Variants in CTNNA2 observed in about 807,000 individuals in gnomAD.
CTNNA2 encodes the protein catenin alpha-2.
Under a neutral mutation model 101.0 loss-of-function variants are expected in CTNNA2, and 42 were observed. The ratio of observed to expected loss-of-function variants is 0.42; its 90% CI spans 0.32 to 0.54. The LOEUF (loss-of-function observed/expected upper bound fraction) is 0.54, where lower values mean the gene tolerates loss of function less well. CTNNA2 is among the 20% of genes least tolerant of loss of function. The pLI is 0.14. For synonymous variants in CTNNA2, 450 were observed against 456.4 expected, an observed-to-expected ratio of 0.99 and a Z score of 0.18; for missense variants, 871 against 1,223.1, an observed-to-expected ratio of 0.71 and a Z score of 4.29.
chr2:79,473,000 C>T (rs1344862606), intron 4 of CTNNA2, among the ~76,000 whole-genome samples: 2 of 152,180 alleles, frequency 1.3e-5, no homozygotes, highest in Non-Finnish European at 2.9e-5. Context: ...CAGAGATTGC[C>T]TTTCCTCTAG....
At chr2:79,470,457 A>T (rs1413713243) in intron 4 of CTNNA2, among the ~76,000 whole-genome samples, 2 of 152,228 alleles carry the variant, frequency 1.3e-5, no homozygotes, top group African/African-American at 4.8e-5. Context: ...AAAGCAAGCA[A>T]TTCAATAATG....
chr2:80,060,403 C>A (rs998652274), intron 7 of CTNNA2, among the ~76,000 whole-genome samples: 22 of 152,148 alleles, frequency 1.4e-4, no homozygotes, highest in Non-Finnish European at 4.4e-5. Flanking sequence ...AGCCCAGAAC[C>A]AAAAGATAAT....
chr2:79,917,812 G>A (rs1333368563), intron 7 of CTNNA2, among the ~76,000 whole-genome samples: 1 of 152,128 alleles, frequency 6.6e-6, no homozygotes, highest in Admixed American at 6.5e-5. Context: ...GACAGGGAGA[G>A]TGTGAGAGCT....
At chr2:79,750,890 A>G (rs1417475523) in intron 3 of CTNNA2, among the ~76,000 whole-genome samples, 2 of 151,810 alleles carry the variant, frequency 1.3e-5, no homozygotes, top group Non-Finnish European at 2.9e-5. Flanking sequence ...AAAAAGAGGT[A>G]GATAAGACTT....
chr2:79,725,558 C>G (rs1686785213), intron 2 of CTNNA2, among the ~76,000 whole-genome samples: 1 of 152,164 alleles, frequency 6.6e-6, no homozygotes, highest in Non-Finnish European at 1.5e-5. Flanking sequence ...TAAAGCTTGG[C>G]TTTGGGTAAG....
chr2:80,332,320 G>A (rs915603919), intron 7 of CTNNA2, among the ~76,000 whole-genome samples: 3 of 152,104 alleles, frequency 2.0e-5, no homozygotes, highest in African/African-American at 4.8e-5. Context: ...CATGAAGCTG[G>A]CAGCCTCTGG....
At chr2:79,919,469 ATAT>A (rs1686501674) in intron 7 of CTNNA2, among the ~76,000 whole-genome samples, 1 of 152,210 alleles carries the variant, frequency 6.6e-6, no homozygotes. Context: ...AGAGCAAGTA[ATAT>A]TATGAGAGAG....
At chr2:79,325,877 A>G (rs893112615) in intron 3 of CTNNA2, among the ~76,000 whole-genome samples, 1 of 152,138 alleles carries the variant, frequency 6.6e-6, no homozygotes, top group Non-Finnish European at 1.5e-5. Context: ...CCAAACTTTG[A>G]TCATCATATT....
chr2:80,153,437 C>A lies in CTNNA2; in HGVS notation c.1057-239774C>A, dbSNP rs556830213. On this transcript the variant is annotated intron_variant, in intron 7 of 18. Coordinates refer to ENST00000402739, the MANE Select transcript of CTNNA2 (RefSeq NM_001282597.3). Reference sequence around the variant, plus strand: ...CAGGAAACCTAATGCCTCACACTGACAAAAATGCACCCAGTGGATCTTAAA... The same window carrying A: ...CAGGAAACCTAATGCCTCACACTGAAAAAAATGCACCCAGTGGATCTTAAA... Among the ~76,000 whole-genome samples, 61 of 152,290 alleles carry A rather than the reference C, an allele frequency of 4.0e-4. 1 individual carries two copies. Among genetic ancestry groups the A allele is most frequent in the Admixed American group, 2.5e-3 (38 of 15,300 alleles).
chr2:79,571,029 A>T (rs1329042329), intron 1 of CTNNA2, among the ~76,000 whole-genome samples: 2 of 152,214 alleles, frequency 1.3e-5, no homozygotes, highest in Non-Finnish European at 2.9e-5. Context: ...TGCAGTGATA[A>T]CAACCCAATT....
chr2:79,561,461 C>T (rs930517650), intron 1 of CTNNA2, among the ~76,000 whole-genome samples: 1 of 151,866 alleles, frequency 6.6e-6, no homozygotes, highest in African/African-American at 2.4e-5. Flanking sequence ...GGAGTGGAAT[C>T]GTTTAGTTGC....
At chr2:79,710,227 C>T (rs1226387814) in intron 2 of CTNNA2, among the ~76,000 whole-genome samples, 2 of 152,080 alleles carry the variant, frequency 1.3e-5, no homozygotes, top group African/African-American at 4.8e-5. Context: ...GATGAGACTT[C>T]ACAGTTGCCT....
At chr2:79,971,871 G>T (rs1200343695) in intron 7 of CTNNA2, among the ~76,000 whole-genome samples, 1 of 152,158 alleles carries the variant, frequency 6.6e-6, no homozygotes, top group Non-Finnish European at 1.5e-5. Flanking sequence ...TACTGGGCTG[G>T]AGGTCCCATC....
intron 8 of CTNNA2, 54 bp from the exon 9 acceptor site, chr2:80,419,395 C>G: frequency 1.4e-6 from 2 of 1,436,310 alleles, no homozygotes; most frequent in Non-Finnish European, 1.9e-6. Context: ...AAAAAATGGG[C>G]AATTATACTA....
At chr2:80,297,489 C>A (rs1675851456) in intron 7 of CTNNA2, among the ~76,000 whole-genome samples, 1 of 152,152 alleles carries the variant, frequency 6.6e-6, no homozygotes, top group Non-Finnish European at 1.5e-5. Context: ...TCATTTATAT[C>A]TTTGTCTAAA....
chr2:80,185,981 A>C (rs1240744305), intron 7 of CTNNA2, among the ~76,000 whole-genome samples: 3 of 152,218 alleles, frequency 2.0e-5, no homozygotes, highest in African/African-American at 7.2e-5. Context: ...GAACACATTT[A>C]TGAAATGTCT....
At chr2:79,970,338 C>G (rs58997756) in intron 7 of CTNNA2, among the ~76,000 whole-genome samples, 3,297 of 152,242 alleles carry the variant, frequency 0.022, 108 homozygotes, top group African/African-American at 0.074. Context: ...AACCTCTTTT[C>G]AAAAATGCCT....
chr2:79,856,838 G>A (rs769637586), intron 3 of CTNNA2, among the ~76,000 whole-genome samples: 1 of 152,096 alleles, frequency 6.6e-6, no homozygotes, highest in South Asian at 2.1e-4. Context: ...CCATCTCCTT[G>A]GTCCAGGCTC....
chr2:79,652,898 A>G (rs935949219), intron 2 of CTNNA2, among the ~76,000 whole-genome samples: 9 of 152,154 alleles, frequency 5.9e-5, no homozygotes, highest in Non-Finnish European at 1.2e-4. Flanking sequence ...CATCAGCTTA[A>G]AAGTCCCAAA....
Sources: allele counts gnomAD v4.1 joint callset (sites outside exome capture counted in the v4.1 genomes callset), GRCh38; gene constraint gnomAD v4.1.1; transcripts MANE v1.5; gene names NCBI Gene and HGNC (gene_info 2026-07-23, HGNC 2026-07-21).